FBXL4: variants seen among roughly 807,000 people sequenced by gnomAD.
FBXL4 encodes the protein F-box/LRR-repeat protein 4.
In FBXL4, 40 loss-of-function variants were observed where a neutral mutation model predicts 58.9. The ratio of observed to expected loss-of-function variants is 0.68; its 90% CI spans 0.53 to 0.88. The LOEUF (loss-of-function observed/expected upper bound fraction) is 0.88, where lower values mean the gene tolerates loss of function less well. Ranked by LOEUF, FBXL4 falls within the 40% of genes least tolerant of loss-of-function variation. The pLI is 0.00. For missense variants in FBXL4, 676 were observed against 734.4 expected (o/e 0.92, Z 0.92); for synonymous variants, 263 against 265.5 (o/e 0.99, Z 0.09).
Position 98,943,579 on chromosome 6 carries a change from CA to C in FBXL4, c.-309+4226del, listed in dbSNP as rs59697294. The stretch of plus-strand genomic sequence containing the variant: ...TGGGTGACAGAGCAAGACTCTGTCT[CA>C]AAAAAAAAAAAAAAAAAAAAGAAGA... On this transcript the variant is annotated intron_variant, in intron 1 of 9. Transcript: ENST00000369244. 9.0e-4 allele frequency among the ~76,000 whole-genome samples: 69 copies of C among 76,696 alleles called. No homozygotes were observed. The East Asian group carries it at 0.015, about 16-fold the overall frequency. The allele number at this position is 76,696 out of a possible 152,430, so 50.3% of individuals were successfully genotyped here.
intron 7 of FBXL4, among the ~76,000 whole-genome samples, chr6:98,882,033 C>T (rs542653586): frequency 6.6e-6 from 1 of 151,876 alleles, no homozygotes; most frequent in African/African-American, 2.4e-5. Flanking sequence ...TAGAAAGAAT[C>T]TCATAAATTC....
chr6:98,922,170 C>T (rs1772609636), intron 4 of FBXL4, among the ~76,000 whole-genome samples: 2 of 152,126 alleles, frequency 1.3e-5, no homozygotes, highest in Non-Finnish European at 1.5e-5. Flanking sequence ...TTGTTATCCG[C>T]CCCCCTCGGC....
rs1469349122 is a variant in FBXL4 at position 98,870,480 on chromosome 6, T to G, written c.*3798A>C. 1 of 152,250 alleles carries G rather than the reference T, an allele frequency of 6.6e-6. No individual in the cohort carries two copies. Among genetic ancestry groups the G allele is most frequent in the African/African-American group, 2.4e-5 (1 of 41,474 alleles). 9.4% of individuals were successfully genotyped at this position (152,250 alleles called of 1,614,324 possible). ...GTCTATGATTGCTTTCACATTAGAA[T>G]GGCAGAGTTGAACAAATGCAAAGGA... On this transcript the variant is annotated 3_prime_UTR_variant, in exon 10 of 10. Coordinates refer to ENST00000369244, the MANE Select transcript of FBXL4 (RefSeq NM_001278716.2).
intron 7 of FBXL4, among the ~76,000 whole-genome samples, chr6:98,882,382 G>C (rs1272435632): frequency 3.3e-5 from 5 of 151,886 alleles, no homozygotes; most frequent in Admixed American, 3.3e-4. Flanking sequence ...TCCATAAGTA[G>C]CACATAATAT....
intron 7 of FBXL4, among the ~76,000 whole-genome samples, chr6:98,889,863 A>T (rs1771165717): frequency 6.6e-6 from 1 of 152,140 alleles, no homozygotes; most frequent in South Asian, 2.1e-4. Flanking sequence ...CATTAATTCA[A>T]ATTTTCATTG....
At chr6:98,881,960 C>T (rs1349560138) in intron 7 of FBXL4, among the ~76,000 whole-genome samples, 1 of 151,496 alleles carries the variant, frequency 6.6e-6, no homozygotes, top group African/African-American at 2.4e-5. Context: ...GGACCATATC[C>T]ATATTAAAAG....
chr6:98,893,337 G>C (rs1001454872), intron 7 of FBXL4, among the ~76,000 whole-genome samples: 2 of 152,142 alleles, frequency 1.3e-5, no homozygotes, highest in Admixed American at 1.3e-4. Flanking sequence ...AGAAATCTGA[G>C]ATCTAGGTGT....
At chr6:98,909,562 A>G (rs1039515210) in intron 5 of FBXL4, among the ~76,000 whole-genome samples, 35 of 152,204 alleles carry the variant, frequency 2.3e-4, no homozygotes, top group Admixed American at 1.4e-3. Flanking sequence ...AAAATTCAAT[A>G]AACTGTTTAA....
chr6:98,921,662 CAAGG>C (rs933107962), intron 4 of FBXL4, among the ~76,000 whole-genome samples: 14 of 152,146 alleles, frequency 9.2e-5, no homozygotes, highest in African/African-American at 3.1e-4. Flanking sequence ...CCCACATGAC[CAAGG>C]TCCAGGTCAT....
Position 98,875,531 on chromosome 6 carries a change from G to A in FBXL4, c.1586C>T (p.Ala529Val). Residue 529 changes from alanine to valine, a missense_variant, in exon 9 of 10, where the codon GCA becomes GTA. Physicochemically the swap from Ala to Val is moderately conservative, Grantham distance 64 (BLOSUM62 0). Coordinates refer to ENST00000369244, the MANE Select transcript of FBXL4 (RefSeq NM_001278716.2). ...QSSTGCFTRLAHQLPNLQKLF... is the reference protein window; with the variant it reads ...QSSTGCFTRLVHQLPNLQKLF... ...TTTTTGCAAGTTTGGGAGCTGGTGT[G>A]CCAGTCTGGTGAAGCACCCGGTGCT... 6.2e-7 allele frequency: 1 copy of A among 1,614,128 alleles called. No individual in the cohort carries two copies. The highest frequency in any genetic ancestry group is 8.5e-7 in the Non-Finnish European group (1 of 1,180,000).
chr6:98,945,721 TAACCATTTTTCTCTTAGA>T (rs1773596776), intron 1 of FBXL4, among the ~76,000 whole-genome samples: 1 of 152,166 alleles, frequency 6.6e-6, no homozygotes, highest in Admixed American at 6.5e-5. Context: ...ATCTCTTAGA[TAACCATTTTTCTCTTAGA>T]AACCAGGTAC....
In FBXL4 at chr6:98,944,122, A is replaced by G. The variant is rs1402367182; in HGVS notation, c.-309+3684T>C. On this transcript the variant is annotated intron_variant, in intron 1 of 9. Coordinates refer to ENST00000369244, the MANE Select transcript of FBXL4 (RefSeq NM_001278716.2). Reference sequence around the variant, plus strand: ...AAATTTGTAATAGTATGCCATAGCAACCATTTTTAAAAATCTATATCTATG... The same window carrying G: ...AAATTTGTAATAGTATGCCATAGCAGCCATTTTTAAAAATCTATATCTATG... Among the ~76,000 whole-genome samples the G allele has an allele frequency of 6.6e-5, 10 of 152,386 alleles. 1 individual carries two copies. In the East Asian group the frequency reaches 1.7e-3, roughly 26 times the overall value.
intron 5 of FBXL4, among the ~76,000 whole-genome samples, chr6:98,915,524 C>A (rs1392862465): frequency 1.3e-5 from 2 of 151,146 alleles, no homozygotes; most frequent in African/African-American, 4.9e-5. Flanking sequence ...CACATATCTA[C>A]AACTATCTGA....
At chr6:98,916,642 G>A (rs1390376997) in intron 5 of FBXL4, among the ~76,000 whole-genome samples, 1 of 151,986 alleles carries the variant, frequency 6.6e-6, no homozygotes, top group Non-Finnish European at 1.5e-5. Context: ...CACAGGAAGG[G>A]GAACATCACG....
At chr6:98,907,181 C>T (rs575098339) in intron 5 of FBXL4, among the ~76,000 whole-genome samples, 11 of 152,212 alleles carry the variant, frequency 7.2e-5, no homozygotes, top group Admixed American at 3.9e-4. Context: ...AGGGGCAAAC[C>T]AGGTGAAAAG....
rs567276446 is a variant in FBXL4, at chr6:98,912,424, GAGA to G, written c.858+4947_858+4949del. ...GGAAAAAATGTTAAGGGCAGCCAGAGAGAAAGGTCGGGTTACCCACCAAGGGAA... is the reference window on the plus strand; with the variant it reads ...GGAAAAAATGTTAAGGGCAGCCAGAGAAGGTCGGGTTACCCACCAAGGGAA... On this transcript the variant is annotated intron_variant, in intron 5 of 9. Coordinates refer to ENST00000369244, the MANE Select transcript of FBXL4 (RefSeq NM_001278716.2). Among the ~76,000 whole-genome samples the G allele has an allele frequency of 1.2e-4, 19 of 152,278 alleles. No individual in the cohort carries two copies. In the South Asian group the frequency reaches 3.7e-3, roughly 30 times the overall value.
At chr6:98,919,473 T>C (rs1044966474) in intron 4 of FBXL4, among the ~76,000 whole-genome samples, 1 of 152,164 alleles carries the variant, frequency 6.6e-6, no homozygotes, top group Non-Finnish European at 1.5e-5. Flanking sequence ...ATAACCAATC[T>C]TGCAAGGCAG....
chr6:98,891,902 G>C (rs1214656513), intron 7 of FBXL4, among the ~76,000 whole-genome samples: 3 of 152,156 alleles, frequency 2.0e-5, no homozygotes, highest in Admixed American at 6.5e-5. Flanking sequence ...TCACTGTCAT[G>C]GTTGTGTTTG....
chr6:98,877,392 C>T (rs1770698696), intron 8 of FBXL4, among the ~76,000 whole-genome samples: 1 of 152,166 alleles, frequency 6.6e-6, no homozygotes, highest in Admixed American at 6.6e-5. Context: ...TGGGCAATCT[C>T]AGCAGCATTT....
Sources: gnomAD v4.1 joint callset for allele counts (sites outside exome capture counted in the v4.1 genomes callset) on GRCh38, gnomAD v4.1.1 for gene constraint, MANE v1.5 for transcripts, NCBI Gene and HGNC (gene_info 2026-07-23, HGNC 2026-07-21) for gene names.